The following NALF1 variants were observed in gnomAD, a reference collection of about 807,000 sequenced individuals.
NALF1 encodes the protein family with sequence similarity 155 member A.
A neutral mutation model predicts 48.4 loss-of-function variants in NALF1; 3 were observed. The observed-to-expected ratio is 0.06, with a 90% CI of 0.03 to 0.16. The LOEUF is 0.16. NALF1 is among the 10% of genes least tolerant of loss of function. The pLI is 1.00. For missense variants in NALF1, 526 were observed against 571.5 expected (o/e 0.92, Z 0.81); for synonymous variants, 262 against 245.7 (o/e 1.07, Z -0.62).
chr13:107,757,429 T>C (rs1434083601), intron 1 of NALF1, among the ~76,000 whole-genome samples: 1 of 150,272 alleles, frequency 6.7e-6, no homozygotes, highest in Non-Finnish European at 1.5e-5. Flanking sequence ...TTTTTTTTTT[T>C]TTTTTCAGTC....
intron 1 of NALF1, among the ~76,000 whole-genome samples, chr13:107,630,171 T>G (rs1056659134): frequency 9.1e-6 from 1 of 109,544 alleles, no homozygotes; most frequent in Non-Finnish European, 2.1e-5. Context: ...CATAAAAAAT[T>G]TGCAACCTCT....
chr13:107,422,050 A>G (rs1884197661), intron 1 of NALF1, among the ~76,000 whole-genome samples: 1 of 152,048 alleles, frequency 6.6e-6, no homozygotes, highest in Admixed American at 6.6e-5. Flanking sequence ...TTCAACCCTT[A>G]CCCATAAGAT....
At chr13:107,726,849 C>T (rs946616631) in intron 1 of NALF1, among the ~76,000 whole-genome samples, 1 of 151,616 alleles carries the variant, frequency 6.6e-6, no homozygotes, top group African/African-American at 2.4e-5. Flanking sequence ...GGTGATCCAC[C>T]CTCCTTGGCC....
At chr13:107,475,369 C>T (rs191502172) in intron 1 of NALF1, among the ~76,000 whole-genome samples, 251 of 152,210 alleles carry the variant, frequency 1.6e-3, no homozygotes, top group Admixed American at 4.0e-3. Context: ...TGAAGGTTTG[C>T]GTTAGTTTTT....
intron 1 of NALF1, among the ~76,000 whole-genome samples, chr13:107,285,945 G>T (rs2138877350): frequency 6.6e-6 from 1 of 152,156 alleles, no homozygotes; most frequent in East Asian, 1.9e-4. Flanking sequence ...ATGCATTCTG[G>T]GAGTCCAAAA....
At chr13:107,438,608 C>G (rs11843843) in intron 1 of NALF1, among the ~76,000 whole-genome samples, 5,840 of 151,710 alleles carry the variant, frequency 0.038, 384 homozygotes, top group African/African-American at 0.13. Flanking sequence ...TCAAGACCAT[C>G]CTGGCTAACA....
intron 1 of NALF1, among the ~76,000 whole-genome samples, chr13:107,614,764 C>CTT (rs1274084664): frequency 1.4e-5 from 2 of 142,914 alleles, no homozygotes; most frequent in Non-Finnish European, 3.1e-5. Flanking sequence ...CTCTTTTTTT[C>CTT]TTTTTTTTTT....
chr13:107,643,000 T>C (rs532520710), intron 1 of NALF1, among the ~76,000 whole-genome samples: 2 of 152,252 alleles, frequency 1.3e-5, no homozygotes, highest in Non-Finnish European at 2.9e-5. Context: ...AGATGGCACA[T>C]ATCATGGAAT....
At chr13:107,523,115 A>G (rs184870217) in intron 1 of NALF1, among the ~76,000 whole-genome samples, 1 of 152,240 alleles carries the variant, frequency 6.6e-6, no homozygotes, top group South Asian at 2.1e-4. Flanking sequence ...AGGATTAAGG[A>G]GAAGAACTAA....
intron 1 of NALF1, among the ~76,000 whole-genome samples, chr13:107,634,095 T>C (rs943933901): frequency 7.2e-5 from 11 of 152,046 alleles, no homozygotes; most frequent in Non-Finnish European, 1.6e-4. Context: ...TATGAAATTG[T>C]GTAGAATTAC....
intron 1 of NALF1, among the ~76,000 whole-genome samples, chr13:107,306,787 G>C (rs750240329): frequency 1.1e-4 from 17 of 152,046 alleles, no homozygotes; most frequent in African/African-American, 1.7e-4. Context: ...AACGTGGTGT[G>C]ACCCTGTCTC....
At chr13:107,440,145 G>A (rs1594064070) in intron 1 of NALF1, among the ~76,000 whole-genome samples, 1 of 152,214 alleles carries the variant, frequency 6.6e-6, no homozygotes, top group Non-Finnish European at 1.5e-5. Context: ...TCAATGAGGG[G>A]CTTGTGGTAT....
chr13:107,309,916 T>G (rs574426194), intron 1 of NALF1, among the ~76,000 whole-genome samples: 1 of 152,200 alleles, frequency 6.6e-6, no homozygotes, highest in Non-Finnish European at 1.5e-5. Context: ...GTAGTGAAGA[T>G]TCCTCTTAAG....
At chr13:107,521,203 G>A (rs1876227131) in intron 1 of NALF1, among the ~76,000 whole-genome samples, 1 of 152,136 alleles carries the variant, frequency 6.6e-6, no homozygotes, top group Non-Finnish European at 1.5e-5. Context: ...CAAAATATGT[G>A]CCATTTCAAT....
chr13:107,415,969 A>C (rs1408297982), intron 1 of NALF1, among the ~76,000 whole-genome samples: 2 of 151,852 alleles, frequency 1.3e-5, no homozygotes, highest in East Asian at 3.9e-4. Context: ...CCCTTGAACA[A>C]CACAGGTTTG....
Position 107,163,651 on chromosome 13 carries a change from G to C in NALF1, c.*6846C>G, listed in dbSNP as rs749095450. ...CATTCTTAGTCTCTCATAATTAACT[G>C]GTTTTAGTACTTTTATTCCGTGTTC... On this transcript the variant is annotated 3_prime_UTR_variant, in exon 3 of 3. Coordinates refer to ENST00000375915, the MANE Select transcript of NALF1 (RefSeq NM_001080396.3). 2 of 152,040 alleles carry C rather than the reference G, an allele frequency of 1.3e-5. No individual in the cohort carries two copies. The highest frequency in any genetic ancestry group is 2.9e-5 in the Non-Finnish European group (2 of 68,016). The allele number at this position is 152,040 out of a possible 1,614,324, so 9.4% of individuals were successfully genotyped here.
chr13:107,470,839 AAAT>A lies in NALF1; in HGVS notation c.916-260087_916-260085del, dbSNP rs544513694. Among the ~76,000 whole-genome samples, 810 of 152,244 alleles carry A rather than the reference AAAT, an allele frequency of 5.3e-3. 6 individuals are homozygous for A. Among genetic ancestry groups the A allele is most frequent in the African/African-American group, 0.018 (756 of 41,526 alleles). ...ACATGTATACTTATGTATACACACA[AAAT>A]AATAATATAAGATTATTAATAACTA... On this transcript the variant is annotated intron_variant, in intron 1 of 2. Coordinates refer to ENST00000375915, the MANE Select transcript of NALF1 (RefSeq NM_001080396.3).
At chr13:107,809,712 C>T (rs1188536153) in intron 1 of NALF1, among the ~76,000 whole-genome samples, 3 of 152,042 alleles carry the variant, frequency 2.0e-5, no homozygotes, top group Admixed American at 2.0e-4. Flanking sequence ...CTTAATATCA[C>T]GCCCACTTTA....
At chr13:107,807,986 T>C (rs1878856483) in intron 1 of NALF1, among the ~76,000 whole-genome samples, 1 of 152,030 alleles carries the variant, frequency 6.6e-6, no homozygotes, top group Admixed American at 6.6e-5. Flanking sequence ...GGCATTGCAA[T>C]GGGAATATAT....
Sources: allele counts gnomAD v4.1 joint callset (sites outside exome capture counted in the v4.1 genomes callset), GRCh38; gene constraint gnomAD v4.1.1; transcripts MANE v1.5; gene names NCBI Gene and HGNC (gene_info 2026-07-23, HGNC 2026-07-21).